Variants in DCAF1 observed in about 807,000 individuals in gnomAD.
DCAF1 encodes DDB1- and CUL4-associated factor 1.
A neutral mutation model predicts 128.0 loss-of-function variants in DCAF1; 15 were observed. The observed-to-expected ratio is 0.12, with a 90% CI of 0.08 to 0.18. The LOEUF is 0.18. DCAF1 is among the 10% of genes least tolerant of loss of function. DCAF1 has a pLI of 1.00. For missense variants in DCAF1, 988 were observed against 1,649.5 expected (o/e 0.60, Z 6.95); for synonymous variants, 610 against 603.0 (o/e 1.01, Z -0.17).
chr3:51,446,491 C>T (rs782538153), intron 6 of DCAF1, among the ~76,000 whole-genome samples: 1 of 151,786 alleles, frequency 6.6e-6, no homozygotes, highest in Non-Finnish European at 1.5e-5. Flanking sequence ...ATTAGCTGGG[C>T]GTGGTGGTGG....
At chr3:51,457,055 T>C (rs941220784) in intron 6 of DCAF1, among the ~76,000 whole-genome samples, 1 of 152,176 alleles carries the variant, frequency 6.6e-6, no homozygotes, top group African/African-American at 2.4e-5. Flanking sequence ...GGAACAAAGC[T>C]GGACGGAGAA....
intron 3 of DCAF1, among the ~76,000 whole-genome samples, chr3:51,481,166 A>T (rs908261090): frequency 1.3e-5 from 2 of 152,230 alleles, no homozygotes; most frequent in Non-Finnish European, 2.9e-5. Context: ...CAATATTATG[A>T]AAGTAAGCCA....
At chr3:51,497,126 C>T (rs1708312050) in intron 1 of DCAF1, among the ~76,000 whole-genome samples, 2 of 151,944 alleles carry the variant, frequency 1.3e-5, no homozygotes, top group Non-Finnish European at 2.9e-5. Flanking sequence ...AAATCCCCAT[C>T]TCTACAAAAA....
chr3:51,459,004 G>A (rs1468144285), intron 6 of DCAF1, among the ~76,000 whole-genome samples: 6 of 152,140 alleles, frequency 3.9e-5, no homozygotes, highest in African/African-American at 7.2e-5. Flanking sequence ...AATTAAAAGA[G>A]CTAGAAAAGC....
intron 2 of DCAF1, among the ~76,000 whole-genome samples, 105 bp downstream of exon 2, chr3:51,496,629 C>T (rs1271672307): frequency 1.3e-5 from 2 of 151,860 alleles, no homozygotes; most frequent in African/African-American, 2.4e-5. Context: ...ACCATCCTAC[C>T]CTTTTTCACA....
intron 10 of DCAF1, among the ~76,000 whole-genome samples, chr3:51,431,197 C>T (rs1193498168): frequency 6.6e-6 from 1 of 152,026 alleles, no homozygotes; most frequent in Non-Finnish European, 1.5e-5. Context: ...AAACCACATA[C>T]GTATGTGTAA....
intron 10 of DCAF1, among the ~76,000 whole-genome samples, chr3:51,432,754 C>T (rs1700501823): frequency 1.3e-5 from 2 of 152,084 alleles, no homozygotes; most frequent in African/African-American, 2.4e-5. Flanking sequence ...CCACTGCGCC[C>T]GGCCTGTTGT....
Position 51,420,827 on chromosome 3 carries a change from G to A in DCAF1, c.2143C>T (p.Pro715Ser). The A allele has an allele frequency of 6.2e-7, 1 of 1,613,942 alleles. No homozygotes were observed. Among genetic ancestry groups the A allele is most frequent in the Non-Finnish European group, 8.5e-7 (1 of 1,179,888 alleles). ...GCCAGGGTGTGCTCACTGCTTTTAG[G>A]GTTCTGAGGCAGCTTTCTCCGAGGA... ...GTPRRKLPQN[P>S]KSSEHTLAKM... The change falls in exon 15 of 25, where the codon CCT becomes TCT. Residue 715 changes from proline (P) to serine (S), a missense_variant. By Grantham distance (74) the Pro-to-Ser change is moderately conservative (BLOSUM62 -1). Around this residue, in one of 11 missense-constraint regions of DCAF1, gnomAD observed 185 missense variants for 248.1 expected, o/e 0.75. Coordinates refer to ENST00000684031, the MANE Select transcript of DCAF1 (RefSeq NM_001387579.1). This position sits in a 1 kb window ranked among gnomAD's most constrained non-coding sequence, Gnocchi z 6.5.
In DCAF1 at chr3:51,398,656, T is replaced by G; in HGVS notation, c.*113A>C. 1.4e-6 allele frequency: 2 copies of G among 1,389,262 alleles called. No homozygotes were observed. The allele number at this position is 1,389,262 out of a possible 1,614,324, so 86.1% of individuals were successfully genotyped here. A position where few individuals can be genotyped will look rare whatever the true frequency, so the allele number is the denominator to read the frequency against. On this transcript the variant is annotated 3_prime_UTR_variant, in exon 25 of 25. Transcript: ENST00000684031. The stretch of plus-strand genomic sequence containing the variant: ...GCCATAATCTTCTGAATGCAGGGCA[T>G]GCAGCTCCTTAAAAGACAGACAGCC...
intron 10 of DCAF1, among the ~76,000 whole-genome samples, chr3:51,430,807 A>T (rs181699642): frequency 3.3e-5 from 5 of 152,334 alleles, no homozygotes; most frequent in African/African-American, 1.2e-4. Context: ...TAAAACTGAT[A>T]TTATTAATAA....
At chr3:51,496,400 T>C (rs1553661001) in intron 2 of DCAF1, among the ~76,000 whole-genome samples, 2 of 152,062 alleles carry the variant, frequency 1.3e-5, no homozygotes, top group Admixed American at 1.3e-4. Flanking sequence ...GCACTCCAGC[T>C]TGCACAACAA....
chr3:51,472,607 C>T (rs959297220), intron 3 of DCAF1, among the ~76,000 whole-genome samples: 2 of 152,004 alleles, frequency 1.3e-5, no homozygotes, highest in South Asian at 4.1e-4. Flanking sequence ...CTAACTTTCA[C>T]CTAGCATGCT....
chr3:51,432,414 G>A (rs901783202), intron 10 of DCAF1, among the ~76,000 whole-genome samples: 3 of 151,264 alleles, frequency 2.0e-5, no homozygotes, highest in African/African-American at 4.8e-5. Context: ...CCCTATATAC[G>A]ATATAAACGT....
intron 23 of DCAF1, among the ~76,000 whole-genome samples, chr3:51,404,860 C>A (rs1553626136): frequency 6.6e-5 from 10 of 152,186 alleles, no homozygotes; most frequent in Non-Finnish European, 1.2e-4. Context: ...TAAGCATTCA[C>A]CCGCCTCAAA....
intron 10 of DCAF1, among the ~76,000 whole-genome samples, chr3:51,430,782 A>C (rs1399207131): frequency 6.6e-6 from 1 of 152,234 alleles, no homozygotes; most frequent in East Asian, 1.9e-4. Flanking sequence ...CATAAACACC[A>C]AAATAAAAAC....
upstream of DCAF1, among the ~76,000 whole-genome samples, chr3:51,504,325 C>T (rs1329613262): frequency 3.3e-5 from 5 of 151,836 alleles, no homozygotes; most frequent in Non-Finnish European, 5.9e-5. Flanking sequence ...CGTGAGCCAC[C>T]GCGCCTGGCA....
chr3:51,474,172 A>G (rs1553649563), intron 3 of DCAF1, among the ~76,000 whole-genome samples: 1 of 152,058 alleles, frequency 6.6e-6, no homozygotes, highest in African/African-American at 2.4e-5. Flanking sequence ...TAATCCCAGC[A>G]CTTTGGGAGG....
chr3:51,450,916 G>A (rs1326792738), intron 6 of DCAF1, among the ~76,000 whole-genome samples: 5 of 151,794 alleles, frequency 3.3e-5, no homozygotes, highest in South Asian at 2.1e-4. Flanking sequence ...GGCAAATGAC[G>A]TGATCTTATA....
At chr3:51,499,313 G>C (rs888020416) in intron 1 of DCAF1, among the ~76,000 whole-genome samples, 3 of 152,188 alleles carry the variant, frequency 2.0e-5, no homozygotes, top group Admixed American at 6.5e-5. Context: ...CCTCTTTCAT[G>C]GGGATGGGAG....
Sources: gnomAD v4.1 joint callset for allele counts (sites outside exome capture counted in the v4.1 genomes callset) on GRCh38, gnomAD v4.1.1 for gene constraint, gnomAD v4.1.1 regional missense constraint, Gnocchi (gnomAD v3.1) non-coding constraint, MANE v1.5 for transcripts, NCBI Gene and HGNC (gene_info 2026-07-23, HGNC 2026-07-21) for gene names.